The following PTPRD variants were observed in gnomAD, a reference collection of about 807,000 sequenced individuals.
The protein encoded by PTPRD is protein tyrosine phosphatase receptor type D, also known as receptor-type tyrosine-protein phosphatase delta.
PTPRD carries 34 observed loss-of-function variants against 214.5 expected under a neutral mutation model. That is an observed-to-expected ratio of 0.16 (90% CI 0.12 to 0.21). The LOEUF is 0.21. Among genes scored for constraint, PTPRD ranks in the 10% least tolerant of loss-of-function variants. The pLI, the probability that PTPRD is intolerant of heterozygous loss-of-function variation, is 1.00. For synonymous variants in PTPRD, 1,128 were observed against 845.7 expected, an observed-to-expected ratio of 1.33 and a Z score of -5.79; for missense variants, 2,545 against 2,398.7, an observed-to-expected ratio of 1.06 and a Z score of -1.27.
At chr9:9,603,895 A>G (rs994965422) in intron 7 of PTPRD, among the ~76,000 whole-genome samples, 3 of 151,906 alleles carry the variant, frequency 2.0e-5, no homozygotes, top group Non-Finnish European at 4.4e-5. Context: ...CAGGTTTTTT[A>G]CAGAGGTCAA....
intron 11 of PTPRD, among the ~76,000 whole-genome samples, chr9:8,739,118 G>C (rs1306342345): frequency 6.6e-6 from 1 of 152,230 alleles, no homozygotes; most frequent in Admixed American, 6.5e-5. Context: ...GACAAAAGCA[G>C]GGCTGCTCTG....
intron 7 of PTPRD, among the ~76,000 whole-genome samples, chr9:9,719,919 T>A (rs1367152861): frequency 6.6e-6 from 1 of 152,196 alleles, no homozygotes; most frequent in Non-Finnish European, 1.5e-5. Flanking sequence ...CTGCCAGCGC[T>A]GCTCAAGTAG....
chr9:9,532,415 G>A (rs1362919991), intron 8 of PTPRD, among the ~76,000 whole-genome samples: 5 of 152,110 alleles, frequency 3.3e-5, no homozygotes, highest in African/African-American at 4.8e-5. Flanking sequence ...CTGGCGTCCT[G>A]CCCAATCCTC....
intron 3 of PTPRD, among the ~76,000 whole-genome samples, chr9:10,290,566 T>A (rs576987499): frequency 1.3e-5 from 2 of 152,304 alleles, no homozygotes; most frequent in Admixed American, 1.3e-4. Flanking sequence ...CATTATAATA[T>A]ATGCATAGAG....
intron 3 of PTPRD, among the ~76,000 whole-genome samples, chr9:10,177,481 G>T (rs1324334075): frequency 6.6e-6 from 1 of 150,878 alleles, no homozygotes; most frequent in Non-Finnish European, 1.5e-5. Context: ...CACTATGAAA[G>T]TTGCATATTG....
intron 11 of PTPRD, among the ~76,000 whole-genome samples, chr9:8,955,142 C>T (rs1416696146): frequency 6.6e-6 from 1 of 151,886 alleles, no homozygotes; most frequent in Non-Finnish European, 1.5e-5. Flanking sequence ...TATAATAATA[C>T]TCTTAAAAAA....
chr9:9,441,185 TGAC>T (rs1433087465), intron 8 of PTPRD, among the ~76,000 whole-genome samples: 1 of 152,282 alleles, frequency 6.6e-6, no homozygotes, highest in African/African-American at 2.4e-5. Context: ...GAGCACTACC[TGAC>T]GACAAGACTC....
At chr9:8,941,409 A>G (rs554794240) in intron 11 of PTPRD, among the ~76,000 whole-genome samples, 26 of 152,158 alleles carry the variant, frequency 1.7e-4, no homozygotes, top group Middle Eastern at 3.4e-3. Flanking sequence ...TTTATAACAT[A>G]TGTGTGTGTG....
intron 9 of PTPRD, among the ~76,000 whole-genome samples, chr9:9,389,731 T>G (rs140959194): frequency 5.3e-4 from 80 of 152,296 alleles, no homozygotes; most frequent in Non-Finnish European, 7.6e-4. Flanking sequence ...AATCCTTGAA[T>G]AGAGTCCTAG....
intron 4 of PTPRD, among the ~76,000 whole-genome samples, chr9:9,951,356 G>A (rs2093437101): frequency 1.3e-5 from 2 of 152,142 alleles, no homozygotes; most frequent in African/African-American, 4.8e-5. Flanking sequence ...TTAGACCTAG[G>A]TTTTAATTAT....
At chr9:10,064,123 A>T (rs748287610) in intron 3 of PTPRD, among the ~76,000 whole-genome samples, 27 of 151,524 alleles carry the variant, frequency 1.8e-4, no homozygotes, top group Non-Finnish European at 3.7e-4. Context: ...TTAAAAGACA[A>T]TTTTTTTTCA....
chr9:9,331,847 T>C (rs889002427), intron 9 of PTPRD, among the ~76,000 whole-genome samples: 20 of 152,030 alleles, frequency 1.3e-4, no homozygotes, highest in African/African-American at 1.9e-4. Context: ...TCATCCATCA[T>C]GTTAGACATG....
Position 9,627,565 on chromosome 9 carries a change from A to C in PTPRD, c.-286-52784T>G, listed in dbSNP as rs374956781. The stretch of plus-strand genomic sequence containing the variant: ...GTAAGGTGGGGCTGGAGGGTGAGGT[A>C]ACGATAAAGTGTAACACAAACTGTA... On this transcript the variant is annotated intron_variant, in intron 7 of 45. Transcript: ENST00000381196. Among the ~76,000 whole-genome samples, 38 of 152,302 alleles carry C rather than the reference A, an allele frequency of 2.5e-4. No individual in the cohort carries two copies. The East Asian group carries it at 5.0e-3, about 20-fold the overall frequency.
chr9:10,343,978 GTTTTTTT>G (rs139613939), intron 2 of PTPRD, among the ~76,000 whole-genome samples: 7 of 31,676 alleles, frequency 2.2e-4, no homozygotes, highest in African/African-American at 9.2e-4. Context: ...TCTGATGGTA[GTTTTTTT>G]TTTTTTTTTT....
intron 5 of PTPRD, among the ~76,000 whole-genome samples, chr9:9,859,107 C>T (rs2062138898): frequency 6.6e-6 from 1 of 152,140 alleles, no homozygotes; most frequent in South Asian, 2.1e-4. Flanking sequence ...TAAAGTGCAG[C>T]ACTCCCCCAT....
intron 35 of PTPRD, among the ~76,000 whole-genome samples, chr9:8,406,880 C>T (rs2093034504): frequency 6.6e-6 from 1 of 152,166 alleles, no homozygotes; most frequent in South Asian, 2.1e-4. Context: ...AAGCTTCTTA[C>T]ACATCATTTA....
At chr9:8,799,414 A>C (rs1374123158) in intron 11 of PTPRD, among the ~76,000 whole-genome samples, 2 of 152,208 alleles carry the variant, frequency 1.3e-5, no homozygotes, top group African/African-American at 4.8e-5. Context: ...TCCCTGCTGG[A>C]AGAGACCTGG....
chr9:8,832,419 T>C (rs2097314995), intron 11 of PTPRD, among the ~76,000 whole-genome samples: 1 of 150,300 alleles, frequency 6.7e-6, no homozygotes, highest in Non-Finnish European at 1.5e-5. Flanking sequence ...TCTTTTTTTT[T>C]TTTTTTTTTT....
chr9:9,667,977 C>A (rs189398898), intron 7 of PTPRD, among the ~76,000 whole-genome samples: 370 of 152,158 alleles, frequency 2.4e-3, no homozygotes, highest in African/African-American at 8.4e-3. Flanking sequence ...ATTGGAACAA[C>A]CTGCAGTAAA....
Sources: allele counts gnomAD v4.1 joint callset (sites outside exome capture counted in the v4.1 genomes callset), GRCh38; gene constraint gnomAD v4.1.1; transcripts MANE v1.5; gene names NCBI Gene and HGNC (gene_info 2026-07-23, HGNC 2026-07-21).